Variants in ARHGAP26 observed in about 807,000 individuals in gnomAD.
ARHGAP26 encodes the protein Rho GTPase activating protein 26.
In ARHGAP26, 38 loss-of-function variants were observed where a neutral mutation model predicts 104.8. That is an observed-to-expected ratio of 0.36 (90% confidence interval 0.28 to 0.48). The LOEUF is 0.48. Ranked by LOEUF, ARHGAP26 falls within the 20% of genes least tolerant of loss-of-function variation. ARHGAP26 has a pLI of 0.99. For missense variants in ARHGAP26, 704 were observed against 947.9 expected (o/e 0.74, Z 3.38); for synonymous variants, 341 against 340.0 (o/e 1.00, Z -0.03).
chr5:143,064,737 C>T (rs770894788), intron 17 of ARHGAP26, among the ~76,000 whole-genome samples: 1 of 152,112 alleles, frequency 6.6e-6, no homozygotes, highest in Non-Finnish European at 1.5e-5. Context: ...TACTTTCAAC[C>T]CAAGAATTTG....
chr5:142,847,225 T>C (rs1772159998), intron 1 of ARHGAP26, among the ~76,000 whole-genome samples: 2 of 152,214 alleles, frequency 1.3e-5, no homozygotes, highest in Admixed American at 1.3e-4. Flanking sequence ...CAGTAAGATC[T>C]CAATAAAAGG....
At chr5:143,150,463 G>A (rs1599247696) in intron 20 of ARHGAP26, among the ~76,000 whole-genome samples, 1 of 152,322 alleles carries the variant, frequency 6.6e-6, no homozygotes, top group Admixed American at 6.5e-5. Context: ...AGTGGAAAAG[G>A]TCGGGTAGAT....
At chr5:143,059,325 G>A (rs541107184) in intron 17 of ARHGAP26, among the ~76,000 whole-genome samples, 11 of 152,332 alleles carry the variant, frequency 7.2e-5, no homozygotes, top group South Asian at 2.1e-4. Context: ...TTTTCAAGCT[G>A]TGCAGTTGGA....
At chr5:143,193,999 C>T (rs922678685) in intron 20 of ARHGAP26, 1 of 152,188 alleles carries the variant, frequency 6.6e-6, no homozygotes, top group Non-Finnish European at 1.5e-5. Flanking sequence ...GGTCAGTTGT[C>T]CACACTGACC....
chr5:142,863,477 G>A (rs1389716520), intron 1 of ARHGAP26, among the ~76,000 whole-genome samples: 1 of 152,204 alleles, frequency 6.6e-6, no homozygotes, highest in African/African-American at 2.4e-5. Flanking sequence ...GTTGGTGGCT[G>A]CACAAGGAGA....
At chr5:142,984,875 A>G (rs1774441422) in intron 11 of ARHGAP26, among the ~76,000 whole-genome samples, 1 of 152,180 alleles carries the variant, frequency 6.6e-6, no homozygotes, top group African/African-American at 2.4e-5. Context: ...TGTATTTACT[A>G]CAGTCTGCTT....
chr5:142,812,030 G>A (rs1436648589), intron 1 of ARHGAP26, among the ~76,000 whole-genome samples: 3 of 152,080 alleles, frequency 2.0e-5, no homozygotes, highest in Non-Finnish European at 4.4e-5. Flanking sequence ...GTGATGAGTT[G>A]GCATTCTCAT....
intron 5 of ARHGAP26, among the ~76,000 whole-genome samples, chr5:142,887,443 T>A (rs921369805): frequency 6.6e-6 from 1 of 152,240 alleles, no homozygotes; most frequent in African/African-American, 2.4e-5. Context: ...AAGTATGAAG[T>A]ATATTTAATA....
chr5:142,949,198 A>AG lies in ARHGAP26; in HGVS notation c.1107+17074dup, dbSNP rs1554167181. ...GAGAGAGAGAGAGAGAGAGAGAGAGAGAGAGAGAGAGAGAGAGAGAGAGGA... is the reference window on the plus strand; with the variant it reads ...GAGAGAGAGAGAGAGAGAGAGAGAGAGGAGAGAGAGAGAGAGAGAGAGAGGA... On this transcript the variant is annotated intron_variant, in intron 11 of 22. Coordinates refer to ENST00000645722, the MANE Select transcript of ARHGAP26 (RefSeq NM_001135608.3). Among the ~76,000 whole-genome samples the AG allele has an allele frequency of 3.4e-3, 108 of 31,514 alleles. 17 individuals are homozygous for AG. The highest frequency in any genetic ancestry group is 0.023 in the African/African-American group (67 of 2,956). 20.7% of individuals were successfully genotyped at this position (31,514 alleles called of 152,430 possible).
chr5:143,074,409 T>A (rs1788700212), intron 17 of ARHGAP26, among the ~76,000 whole-genome samples: 1 of 152,216 alleles, frequency 6.6e-6, no homozygotes, highest in African/African-American at 2.4e-5. Context: ...TTAATCTCTC[T>A]GCCCAGGTCT....
intron 1 of ARHGAP26, among the ~76,000 whole-genome samples, chr5:142,828,898 C>T (rs931467715): frequency 2.0e-5 from 3 of 152,206 alleles, no homozygotes; most frequent in Non-Finnish European, 2.9e-5. Flanking sequence ...CCGCCTTCCT[C>T]CAGCAGCCTG....
At chr5:143,063,456 C>G (rs1362015225) in intron 17 of ARHGAP26, among the ~76,000 whole-genome samples, 1 of 152,190 alleles carries the variant, frequency 6.6e-6, no homozygotes, top group Non-Finnish European at 1.5e-5. Flanking sequence ...TCAAAGGCAG[C>G]TTCCCCATTG....
At chr5:143,151,982 C>G (rs576542023) in intron 20 of ARHGAP26, among the ~76,000 whole-genome samples, 1 of 152,196 alleles carries the variant, frequency 6.6e-6, no homozygotes, top group East Asian at 1.9e-4. Context: ...TCTGAGAAGA[C>G]TACAGTATGA....
intron 3 of ARHGAP26, among the ~76,000 whole-genome samples, chr5:142,877,924 G>A (rs957505194): frequency 2.6e-5 from 4 of 152,310 alleles, no homozygotes; most frequent in African/African-American, 9.6e-5. Flanking sequence ...AGACTTCAGT[G>A]AACCAATTAA....
At chr5:143,158,839 G>A (rs552250769) in intron 20 of ARHGAP26, among the ~76,000 whole-genome samples, 7 of 152,290 alleles carry the variant, frequency 4.6e-5, no homozygotes, top group African/African-American at 1.7e-4. Context: ...TACAGGAGAA[G>A]CCTTGTCTTC....
chr5:142,870,157 G>A (rs1755064611), intron 1 of ARHGAP26, among the ~76,000 whole-genome samples: 1 of 152,090 alleles, frequency 6.6e-6, no homozygotes, highest in African/African-American at 2.4e-5. Flanking sequence ...TATGAGGAGG[G>A]TGCCACGACG....
chr5:142,890,151 A>AAATATATAT (rs1252590997), intron 5 of ARHGAP26, among the ~76,000 whole-genome samples: 2 of 32,430 alleles, frequency 6.2e-5, no homozygotes, highest in Non-Finnish European at 1.1e-4. Flanking sequence ...AAAAAAAAAA[A>AAATATATAT]ATATATATAT....
rs1759246444 is a variant in ARHGAP26, at chr5:142,894,889, C to G, written c.597+541C>G. 3.3e-5 allele frequency among the ~76,000 whole-genome samples: 5 copies of G among 152,210 alleles called. No homozygotes were observed. The South Asian group carries it at 1.0e-3, about 32-fold the overall frequency. On this transcript the variant is annotated intron_variant, in intron 6 of 22. Coordinates refer to ENST00000645722, the MANE Select transcript of ARHGAP26 (RefSeq NM_001135608.3). ...TTATAAACAGAACAGCATAGAGACT[C>G]TGCTGAGTGGACCATGATGGAATTT...
chr5:142,819,349 C>A (rs535505909), intron 1 of ARHGAP26, among the ~76,000 whole-genome samples: 1 of 152,274 alleles, frequency 6.6e-6, no homozygotes, highest in African/African-American at 2.4e-5. Context: ...GGGCATGTTT[C>A]ATCTCACTGA....
Sources: gnomAD v4.1 joint callset for allele counts (sites outside exome capture counted in the v4.1 genomes callset) on GRCh38, gnomAD v4.1.1 for gene constraint, MANE v1.5 for transcripts, NCBI Gene and HGNC (gene_info 2026-07-23, HGNC 2026-07-21) for gene names.